The following UBA6 variants were observed in gnomAD, a reference collection of about 807,000 sequenced individuals.
The protein encoded by UBA6 is ubiquitin like modifier activating enzyme 6, also known as ubiquitin-like modifier-activating enzyme 6.
In UBA6, 87 loss-of-function variants were observed where a neutral mutation model predicts 148.3. The observed-to-expected ratio is 0.59, with a 90% confidence interval of 0.49 to 0.70. The LOEUF (loss-of-function observed/expected upper bound fraction) is 0.70, where lower values mean the gene tolerates loss of function less well. UBA6 is among the 30% of genes least tolerant of loss of function. The probability of loss-of-function intolerance (pLI) is 0.00; values close to 1 mark genes in which losing one functional copy is unlikely to be tolerated. For synonymous variants in UBA6, 376 were observed against 401.0 expected (o/e 0.94, Z 0.75); for missense variants, 1,186 against 1,241.2 (o/e 0.96, Z 0.67).
At chr4:67,677,791 T>C (rs922567521) in intron 5 of UBA6, 69 bp from the exon 6 acceptor site, 1 of 769,870 alleles carries the variant, frequency 1.3e-6, no homozygotes, top group Non-Finnish European at 2.0e-6. Context: ...AGTTGGACAC[T>C]GTAATGACAT....
Position 67,617,491 on chromosome 4 carries a change from C to T in UBA6, c.*1506G>A, listed in dbSNP as rs1728653857. On this transcript the variant is annotated 3_prime_UTR_variant, in exon 33 of 33. Coordinates refer to ENST00000322244, the MANE Select transcript of UBA6 (RefSeq NM_018227.6). ...TAAATTCATCCTATCCACTTTTGCC[C>T]ACTTCCCCATGTACAGATTATCCTT... The T allele has an allele frequency of 6.6e-6, 1 of 152,042 alleles. No individual in the cohort carries two copies. The highest frequency in any genetic ancestry group is 1.5e-5 in the Non-Finnish European group (1 of 67,954). The allele number at this position is 152,042 out of a possible 1,614,324, so 9.4% of individuals were successfully genotyped here.
At chr4:67,663,660 GAA>G in intron 11 of UBA6, 1 of 503,484 alleles carries the variant, frequency 2.0e-6, no homozygotes, top group Non-Finnish European at 3.5e-6. Context: ...TTATAAAAGT[GAA>G]ACTTTTTCCT....
At chr4:67,640,366 T>C (rs1729273426) in intron 18 of UBA6, among the ~76,000 whole-genome samples, 1 of 152,262 alleles carries the variant, frequency 6.6e-6, no homozygotes, top group Non-Finnish European at 1.5e-5. Context: ...AGATTAACTA[T>C]GACATCTGTT....
intron 28 of UBA6, 80 bp downstream of exon 28, chr4:67,626,280 C>T (rs1263551914): frequency 1.3e-6 from 1 of 798,374 alleles, no homozygotes; most frequent in Admixed American, 2.2e-5. Flanking sequence ...TGATTAAATT[C>T]CACAAATTCT....
intron 19 of UBA6, 151 bp downstream of exon 19, chr4:67,638,792 G>A (rs1340322846): frequency 1.1e-5 from 6 of 538,632 alleles, no homozygotes; most frequent in African/African-American, 7.6e-5. Context: ...TAAGTATAAT[G>A]AGAAATCATC....
At chr4:67,668,488 T>G (rs1364504204) in intron 9 of UBA6, 63 bp downstream of exon 9, 52 of 1,475,332 alleles carry the variant, frequency 3.5e-5, no homozygotes, top group Non-Finnish European at 4.9e-5. Flanking sequence ...TCCCAACACT[T>G]AGTGTCTGAA....
intron 32 of UBA6, among the ~76,000 whole-genome samples, chr4:67,621,473 T>C (rs1560475419): frequency 6.6e-6 from 1 of 152,228 alleles, no homozygotes; most frequent in Non-Finnish European, 1.5e-5. Flanking sequence ...CCCACTCTTG[T>C]GAAATATATG....
chr4:67,638,328 AAAGGGAAAACGAG>A (rs1729220753), intron 19 of UBA6: 1 of 156,784 alleles, frequency 6.4e-6, no homozygotes, highest in Non-Finnish European at 1.4e-5. Context: ...CTGAAGCAGA[AAAGGGAAAACGAG>A]AAGGAAGAAC....
chr4:67,649,550 A>G (rs1353522149), intron 13 of UBA6, among the ~76,000 whole-genome samples: 1 of 152,076 alleles, frequency 6.6e-6, no homozygotes, highest in African/African-American at 2.4e-5. Context: ...AAATAAACAG[A>G]TTTTTTTTAA....
intron 13 of UBA6, among the ~76,000 whole-genome samples, chr4:67,660,609 C>A (rs963892964): frequency 9.2e-5 from 14 of 152,294 alleles, no homozygotes; most frequent in South Asian, 4.1e-4. Context: ...TAGAAGTTTA[C>A]TGCAGGGGTG....
chr4:67,683,424 C>T (rs1260012461), intron 2 of UBA6, among the ~76,000 whole-genome samples: 1 of 152,140 alleles, frequency 6.6e-6, no homozygotes, highest in African/African-American at 2.4e-5. Context: ...TTCTTATAAA[C>T]ATCTCCTGGT....
At chr4:67,653,494 A>G (rs1394093045) in intron 13 of UBA6, among the ~76,000 whole-genome samples, 2 of 152,214 alleles carry the variant, frequency 1.3e-5, no homozygotes, top group East Asian at 3.9e-4. Flanking sequence ...ATCAACATCA[A>G]CAAAAAGGAC....
intron 13 of UBA6, among the ~76,000 whole-genome samples, chr4:67,657,718 C>T (rs1729733727): frequency 6.7e-6 from 1 of 150,354 alleles, no homozygotes; most frequent in South Asian, 2.1e-4. Context: ...GCAAAAGAAA[C>T]TATCATCAGA....
In UBA6 at chr4:67,617,880, G is replaced by A. The variant is rs1728662405; in HGVS notation, c.*1117C>T. 6.6e-6 allele frequency: 1 copy of A among 151,698 alleles called. No homozygotes were observed. Among genetic ancestry groups the A allele is most frequent in the Admixed American group, 6.6e-5 (1 of 15,224 alleles). The allele number at this position is 151,698 out of a possible 1,614,324, so 9.4% of individuals were successfully genotyped here. A position where few individuals can be genotyped will look rare whatever the true frequency, so the allele number is the denominator to read the frequency against. On this transcript the variant is annotated 3_prime_UTR_variant, in exon 33 of 33. Coordinates refer to ENST00000322244, the MANE Select transcript of UBA6 (RefSeq NM_018227.6). ...TGAGTTTACAGTGTTGGGTACTACT[G>A]TTTACATCATTTTAATGAAAGTATT... is the stretch of plus-strand genomic sequence containing the variant.
At position 67,638,949 on chromosome 4, in the gene UBA6, A is replaced by G; in HGVS notation, c.1730T>C (p.Val577Ala). Reference protein sequence around the residue: ...ALDNVEARRYVDSRCLANLRP... With the variant: ...ALDNVEARRYADSRCLANLRP... ...ATGAATTTCAAGAACATACCTGTCT[A>G]CGTATCTCCTGGCTTCCACATTATC... Residue 577 changes from valine (V) to alanine (A), a missense_variant, in exon 19 of 33, where the codon GTA becomes GCA. By Grantham distance (64) the Val-to-Ala change is moderately conservative. Coordinates refer to ENST00000322244, the MANE Select transcript of UBA6 (RefSeq NM_018227.6). 1 of 1,603,496 alleles carries G rather than the reference A, an allele frequency of 6.2e-7. No homozygotes were observed. The highest frequency in any genetic ancestry group is 8.5e-7 in the Non-Finnish European group (1 of 1,173,330).
At position 67,643,210 on chromosome 4, in the gene UBA6, A is replaced by C. The variant is rs138515256; in HGVS notation, c.1476+1488T>G. Among the ~76,000 whole-genome samples, 152 of 151,916 alleles carry C rather than the reference A, an allele frequency of 1.0e-3. 3 individuals are homozygous for C. In the East Asian group the frequency reaches 0.027, roughly 27 times the overall value. ...TAAAACTTAAAGTATAATAATAATAAAATAAAATTAAAAAAAATTCTATTA... is the reference window on the plus strand; with the variant it reads ...TAAAACTTAAAGTATAATAATAATACAATAAAATTAAAAAAAATTCTATTA... On this transcript the variant is annotated intron_variant, in intron 17 of 32. Transcript: ENST00000322244.
chr4:67,688,072 TA>T (rs1380430207), intron 2 of UBA6, among the ~76,000 whole-genome samples: 1 of 152,162 alleles, frequency 6.6e-6, no homozygotes, highest in African/African-American at 2.4e-5. Flanking sequence ...TACACTGGAA[TA>T]AAAGGTTTAG....
At chr4:67,634,124 C>T (rs1178644049) in intron 22 of UBA6, 118 bp downstream of exon 22, 1 of 645,432 alleles carries the variant, frequency 1.5e-6, no homozygotes, top group Non-Finnish European at 2.5e-6. Context: ...TGTATCATTT[C>T]ATTTTTTATA....
At chr4:67,694,162 G>A (rs1730768129) in intron 2 of UBA6, among the ~76,000 whole-genome samples, 1 of 122,816 alleles carries the variant, frequency 8.1e-6, no homozygotes, top group Non-Finnish European at 1.6e-5. Flanking sequence ...GTTGCCATGA[G>A]CCGAGATCGC....
Sources: allele counts gnomAD v4.1 joint callset (sites outside exome capture counted in the v4.1 genomes callset), GRCh38; gene constraint gnomAD v4.1.1; transcripts MANE v1.5; gene names NCBI Gene and HGNC (gene_info 2026-07-23, HGNC 2026-07-21).